Variants in ADAM10 observed in about 807,000 individuals in gnomAD.
The protein encoded by ADAM10 is disintegrin and metalloproteinase domain-containing protein 10.
ADAM10 carries 17 observed loss-of-function variants against 90.1 expected under a neutral mutation model. The observed-to-expected ratio is 0.19, with a 90% CI of 0.13 to 0.28. The LOEUF is 0.28. Ranked by LOEUF, ADAM10 falls within the 10% of genes least tolerant of loss-of-function variation. The probability of loss-of-function intolerance (pLI) is 1.00; values close to 1 mark genes in which losing one functional copy is unlikely to be tolerated. For synonymous variants in ADAM10, 310 were observed against 298.6 expected (o/e 1.04, Z -0.40); for missense variants, 610 against 914.3 (o/e 0.67, Z 4.29).
chr15:58,633,585 G>C (rs1896160972), intron 8 of ADAM10, among the ~76,000 whole-genome samples: 2 of 152,154 alleles, frequency 1.3e-5, no homozygotes, highest in South Asian at 4.1e-4. Context: ...TGAGTACACA[G>C]CCTTTACAAA....
At chr15:58,741,759 T>C (rs980483201) in intron 1 of ADAM10, among the ~76,000 whole-genome samples, 2 of 151,916 alleles carry the variant, frequency 1.3e-5, no homozygotes, top group Non-Finnish European at 2.9e-5. Flanking sequence ...ACGATCATTC[T>C]AATCCAAGAC....
chr15:58,693,110 T>C (rs1438619044), intron 2 of ADAM10: 5 of 741,550 alleles, frequency 6.7e-6, no homozygotes, highest in Non-Finnish European at 1.3e-5. Flanking sequence ...TAGAAGGTAT[T>C]GATTATGAGA....
intron 1 of ADAM10, chr15:58,748,215 T>C (rs1317829564): frequency 6.6e-6 from 1 of 152,180 alleles, no homozygotes; most frequent in Non-Finnish European, 1.5e-5. Flanking sequence ...AGTACCACCC[T>C]CGGACTCGGT....
At chr15:58,687,729 G>A (rs1455219983) in intron 2 of ADAM10, among the ~76,000 whole-genome samples, 3 of 151,834 alleles carry the variant, frequency 2.0e-5, no homozygotes, top group Admixed American at 2.0e-4. Context: ...TAATAAAAAG[G>A]AACAAACTAT....
intron 4 of ADAM10, among the ~76,000 whole-genome samples, chr15:58,665,919 A>ATCCT (rs1261856185): frequency 6.6e-6 from 1 of 151,832 alleles, no homozygotes; most frequent in Non-Finnish European, 1.5e-5. Flanking sequence ...CATGACGATG[A>ATCCT]TCCTTCCACT....
chr15:58,655,313 T>A (rs1364983175), intron 5 of ADAM10: 2 of 153,978 alleles, frequency 1.3e-5, no homozygotes, highest in African/African-American at 4.8e-5. Context: ...GGTGCTGGCA[T>A]CCGCTTGGCT....
intron 7 of ADAM10, 135 bp from the exon 8 acceptor site, chr15:58,641,095 G>A: frequency 1.2e-6 from 1 of 848,694 alleles, no homozygotes; most frequent in Non-Finnish European, 1.9e-6. Flanking sequence ...GGCTTCTAAG[G>A]TTGTTCCCAC....
At chr15:58,744,381 C>T (rs1234136497) in intron 1 of ADAM10, among the ~76,000 whole-genome samples, 11 of 152,074 alleles carry the variant, frequency 7.2e-5, no homozygotes, top group Non-Finnish European at 2.9e-5. Flanking sequence ...AGTTTTCCTA[C>T]ATAAAACATA....
At chr15:58,669,256 A>G (rs1596049041) in intron 4 of ADAM10, among the ~76,000 whole-genome samples, 1 of 152,200 alleles carries the variant, frequency 6.6e-6, no homozygotes, top group South Asian at 2.1e-4. Context: ...CCCGGCAATC[A>G]TCCACAGTTT....
At chr15:58,711,924 GAAGA>G (rs1475100121) in intron 2 of ADAM10, among the ~76,000 whole-genome samples, 4 of 152,068 alleles carry the variant, frequency 2.6e-5, no homozygotes, top group Non-Finnish European at 4.4e-5. Context: ...CTATTAGGAA[GAAGA>G]AAGAGTGGAG....
chr15:58,706,941 A>C (rs532306768), intron 2 of ADAM10, among the ~76,000 whole-genome samples: 6 of 147,462 alleles, frequency 4.1e-5, no homozygotes, highest in South Asian at 2.2e-4. Context: ...CCCAGGACAC[A>C]GAGGTTGCAG....
At chr15:58,650,680 T>C (rs1237675902) in intron 5 of ADAM10, among the ~76,000 whole-genome samples, 1 of 152,172 alleles carries the variant, frequency 6.6e-6, no homozygotes, top group African/African-American at 2.4e-5. Flanking sequence ...TTCTGAAATC[T>C]TGGCCGCGTA....
intron 2 of ADAM10, among the ~76,000 whole-genome samples, chr15:58,710,714 A>G (rs1898446524): frequency 6.6e-6 from 1 of 152,194 alleles, no homozygotes. Flanking sequence ...AACTACCATC[A>G]GTATTTTTTA....
In ADAM10 at chr15:58,589,770, T is replaced by C. The variant is rs1869135; in HGVS notation, c.*7777A>G. 0.24 allele frequency: 36,064 copies of C among 152,100 alleles called. 4,585 individuals carry two copies. Among genetic ancestry groups the C allele is most frequent in the East Asian group, 0.54 (2,773 of 5,148 alleles). 9.4% of individuals were successfully genotyped at this position (152,100 alleles called of 1,614,324 possible). A position where few individuals can be genotyped will look rare whatever the true frequency, so the allele number is the denominator to read the frequency against. On this transcript the variant is annotated 3_prime_UTR_variant, in exon 16 of 16. Coordinates refer to ENST00000260408, the MANE Select transcript of ADAM10 (RefSeq NM_001110.4). ...GCAGGTCACATGGACACCTCATTCA[T>C]CCTGGTAGGAGGCTAGGTGTCTTAA...
At chr15:58,730,003 CAA>C (rs71844307) in intron 1 of ADAM10, among the ~76,000 whole-genome samples, 1 of 106,444 alleles carries the variant, frequency 9.4e-6, no homozygotes, top group African/African-American at 3.1e-5. Context: ...AACAAACAAA[CAA>C]AAAAAAAAAC....
At chr15:58,670,093 T>C (rs944053763) in intron 4 of ADAM10, among the ~76,000 whole-genome samples, 2 of 152,042 alleles carry the variant, frequency 1.3e-5, no homozygotes, top group African/African-American at 4.8e-5. Context: ...ATATAAGCAG[T>C]TTATTGCTAT....
chr15:58,598,521 C>A (rs1341238975), intron 15 of ADAM10, among the ~76,000 whole-genome samples: 2 of 152,198 alleles, frequency 1.3e-5, no homozygotes, highest in African/African-American at 4.8e-5. Flanking sequence ...TGAGGGAAAA[C>A]AGAGAAAAAG....
chr15:58,666,155 T>C (rs1454370233), intron 4 of ADAM10, among the ~76,000 whole-genome samples: 1 of 151,430 alleles, frequency 6.6e-6, no homozygotes, highest in East Asian at 2.0e-4. Context: ...CACCTTATTG[T>C]CTATCACCAG....
chr15:58,639,929 G>A (rs1896371564), intron 8 of ADAM10, among the ~76,000 whole-genome samples: 1 of 151,688 alleles, frequency 6.6e-6, no homozygotes. Context: ...AGTATCAGAA[G>A]GAGAATCTGT....
Sources: gnomAD v4.1 joint callset for allele counts (sites outside exome capture counted in the v4.1 genomes callset) on GRCh38, gnomAD v4.1.1 for gene constraint, MANE v1.5 for transcripts, NCBI Gene and HGNC (gene_info 2026-07-23, HGNC 2026-07-21) for gene names.